Variants in DSCAM observed in about 807,000 individuals in gnomAD.
DSCAM encodes DS cell adhesion molecule.
In DSCAM, 47 loss-of-function variants were observed where a neutral mutation model predicts 217.7. The ratio of observed to expected loss-of-function variants is 0.22; its 90% confidence interval spans 0.17 to 0.28. The LOEUF is 0.28. DSCAM is among the 10% of genes least tolerant of loss of function. DSCAM has a pLI of 1.00. For synonymous variants in DSCAM, 1,056 were observed against 1,015.3 expected (o/e 1.04, Z -0.76); for missense variants, 2,080 against 2,618.3 (o/e 0.79, Z 4.49).
intron 2 of DSCAM, among the ~76,000 whole-genome samples, chr21:40,698,808 T>A (rs1369055917): frequency 6.7e-6 from 1 of 148,626 alleles, no homozygotes; most frequent in Non-Finnish European, 1.5e-5. Flanking sequence ...AGGCAGAGGT[T>A]GCAGTGAGCT....
intron 19 of DSCAM, among the ~76,000 whole-genome samples, chr21:40,128,604 T>C (rs539823947): frequency 5.3e-4 from 81 of 151,716 alleles, no homozygotes; most frequent in Non-Finnish European, 9.4e-4. Flanking sequence ...GACTTTCCTA[T>C]TGGTCCTGAA....
chr21:40,323,104 G>A (rs1281158267), intron 8 of DSCAM, among the ~76,000 whole-genome samples: 1 of 152,098 alleles, frequency 6.6e-6, no homozygotes, highest in African/African-American at 2.4e-5. Flanking sequence ...CCCAAACTCA[G>A]GACAACCCTG....
intron 27 of DSCAM, among the ~76,000 whole-genome samples, chr21:40,073,979 G>A (rs1241521443): frequency 2.0e-5 from 3 of 152,214 alleles, no homozygotes; most frequent in Admixed American, 1.3e-4. Flanking sequence ...TTTGTTGGCA[G>A]AGCAAAAGCA....
Position 40,123,963 on chromosome 21 carries a change from C to T in DSCAM, c.3696+232G>A, listed in dbSNP as rs149646393. ...TGCTGGCAGTTTAGTGGGAACTCAC[C>T]AAATAAACAATAATTCCAGACAATT... On this transcript the variant is annotated intron_variant, in intron 20 of 32. Transcript: ENST00000400454. Among the ~76,000 whole-genome samples, 496 of 152,130 alleles carry T rather than the reference C, an allele frequency of 3.3e-3. 4 individuals are homozygous for T. Among genetic ancestry groups the T allele is most frequent in the African/African-American group, 0.011 (474 of 41,512 alleles).
rs1274752197 is a variant in DSCAM, at chr21:40,175,799, A to ACG, written c.2947+3127_2947+3128insCG. On this transcript the variant is annotated intron_variant, in intron 15 of 32. Coordinates refer to ENST00000400454, the MANE Select transcript of DSCAM (RefSeq NM_001389.5). The stretch of plus-strand genomic sequence containing the variant: ...CACACATACACACACACACACACAC[A>ACG]CACACACACGCACACACACACACAC... Among the ~76,000 whole-genome samples, 13 of 108,570 alleles carry ACG rather than the reference A, an allele frequency of 1.2e-4. No homozygotes were observed. In the East Asian group the frequency reaches 3.5e-3, roughly 29 times the overall value. 71.2% of individuals were successfully genotyped at this position (108,570 alleles called of 152,430 possible).
At chr21:40,294,604 G>A (rs1326216592) in intron 10 of DSCAM, among the ~76,000 whole-genome samples, 1 of 152,168 alleles carries the variant, frequency 6.6e-6, no homozygotes, top group Non-Finnish European at 1.5e-5. Flanking sequence ...GTTTATGAGA[G>A]TGAAAACTGT....
chr21:40,356,380 T>C (rs1381296060), intron 4 of DSCAM, among the ~76,000 whole-genome samples: 2 of 115,452 alleles, frequency 1.7e-5, no homozygotes, highest in Non-Finnish European at 3.7e-5. Context: ...GTTATTTTGC[T>C]TGATAGTGAT....
intron 1 of DSCAM, among the ~76,000 whole-genome samples, chr21:40,760,888 A>G (rs1184167914): frequency 6.6e-6 from 1 of 152,172 alleles, no homozygotes; most frequent in Non-Finnish European, 1.5e-5. Flanking sequence ...AAGACACCTC[A>G]CTGAGAATCA....
chr21:40,296,314 T>C, intron 9 of DSCAM, 140 bp from the exon 10 acceptor site: 2 of 1,064,398 alleles, frequency 1.9e-6, no homozygotes, highest in Non-Finnish European at 1.3e-6. Flanking sequence ...AAAACACTAT[T>C]GGCAGTTTGG....
In DSCAM at chr21:40,111,390, G is replaced by T. The variant is rs865813263; in HGVS notation, c.3696+12805C>A. Among the ~76,000 whole-genome samples, 1,257 of 151,740 alleles carry T rather than the reference G, an allele frequency of 8.3e-3. 10 individuals are homozygous for T. Among genetic ancestry groups the T allele is most frequent in the Non-Finnish European group, 0.012 (832 of 67,896 alleles). On this transcript the variant is annotated intron_variant, in intron 20 of 32. Transcript: ENST00000400454. ...TGAGAGATTTTGTCACCACCAGGCC[G>T]GCCCTAAAAGAGCTCCTAAAGGAAG...
intron 26 of DSCAM, among the ~76,000 whole-genome samples, 188 bp downstream of exon 26, chr21:40,078,499 A>G (rs1266744219): frequency 6.6e-6 from 1 of 152,160 alleles, no homozygotes; most frequent in Non-Finnish European, 1.5e-5. Flanking sequence ...CTGGACACAC[A>G]GTGATGGTCA....
At chr21:40,772,759 G>T (rs1214925989) in intron 1 of DSCAM, among the ~76,000 whole-genome samples, 2 of 152,182 alleles carry the variant, frequency 1.3e-5, no homozygotes, top group African/African-American at 4.8e-5. Flanking sequence ...TCCCTTTGTG[G>T]GTGTTACTCA....
At chr21:40,754,127 G>T (rs2091253502) in intron 1 of DSCAM, among the ~76,000 whole-genome samples, 1 of 152,178 alleles carries the variant, frequency 6.6e-6, no homozygotes, top group African/African-American at 2.4e-5. Context: ...GCTGTGGGGA[G>T]CAACCGCACA....
intron 1 of DSCAM, among the ~76,000 whole-genome samples, chr21:40,813,645 GTTTTTTT>G (rs869088003): frequency 7.9e-6 from 1 of 126,514 alleles, no homozygotes; most frequent in African/African-American, 2.9e-5. Flanking sequence ...TTTCTTTCTT[GTTTTTTT>G]TTTTTTTTTG....
At chr21:40,787,458 C>A (rs2091604015) in intron 1 of DSCAM, among the ~76,000 whole-genome samples, 1 of 152,190 alleles carries the variant, frequency 6.6e-6, no homozygotes. Context: ...GACTTAATGT[C>A]TCACCCCATT....
At chr21:40,330,566 G>A (rs1381808676) in intron 8 of DSCAM, among the ~76,000 whole-genome samples, 4 of 151,840 alleles carry the variant, frequency 2.6e-5, no homozygotes, top group African/African-American at 9.7e-5. Context: ...TAGAATAGAG[G>A]AATTTTAAGT....
intron 3 of DSCAM, among the ~76,000 whole-genome samples, chr21:40,386,465 C>T (rs2075086426): frequency 6.6e-6 from 1 of 152,160 alleles, no homozygotes; most frequent in African/African-American, 2.4e-5. Context: ...GCCGCCCACG[C>T]CGGGCCGCTG....
intron 3 of DSCAM, among the ~76,000 whole-genome samples, chr21:40,370,636 T>TG (rs2074886953): frequency 6.6e-6 from 1 of 152,100 alleles, no homozygotes; most frequent in Non-Finnish European, 1.5e-5. Context: ...GGTTTTTTTT[T>TG]TTGAGATAAG....
chr21:40,339,072 TATA>T (rs775562197), intron 7 of DSCAM, 44 bp downstream of exon 7: 61 of 1,599,440 alleles, frequency 3.8e-5, no homozygotes, highest in Non-Finnish European at 5.1e-5. Flanking sequence ...TCTTCTCCAC[TATA>T]ATGAGTTATG....
Sources: gnomAD v4.1 joint callset for allele counts (sites outside exome capture counted in the v4.1 genomes callset) on GRCh38, gnomAD v4.1.1 for gene constraint, MANE v1.5 for transcripts, NCBI Gene and HGNC (gene_info 2026-07-23, HGNC 2026-07-21) for gene names.